The following CSMD2 variants were observed in gnomAD, a reference collection of about 807,000 sequenced individuals.
CSMD2 encodes the protein CUB and sushi domain-containing protein 2.
In CSMD2, 130 loss-of-function variants were observed where a neutral mutation model predicts 398.5. The observed-to-expected ratio is 0.33, with a 90% CI of 0.28 to 0.38. The LOEUF (loss-of-function observed/expected upper bound fraction) is 0.38, where lower values mean the gene tolerates loss of function less well. CSMD2 is among the 10% of genes least tolerant of loss of function. The pLI is 1.00. For missense variants in CSMD2, 3,829 were observed against 4,764.9 expected (o/e 0.80, Z 5.78); for synonymous variants, 1,828 against 1,908.5 (o/e 0.96, Z 1.10).
intron 5 of CSMD2, among the ~76,000 whole-genome samples, chr1:33,899,015 G>T (rs537383576): frequency 6.6e-6 from 1 of 152,314 alleles, no homozygotes; most frequent in South Asian, 2.1e-4. Flanking sequence ...GACCTCTGTG[G>T]CATCCATAAA....
At chr1:34,041,219 A>T (rs955054070) in intron 2 of CSMD2, among the ~76,000 whole-genome samples, 3 of 152,174 alleles carry the variant, frequency 2.0e-5, no homozygotes, top group African/African-American at 7.2e-5. Flanking sequence ...CATTCTAAGC[A>T]GAAGGACTTG....
At chr1:33,561,259 G>A (rs1252315936) in intron 53 of CSMD2, among the ~76,000 whole-genome samples, 1 of 152,136 alleles carries the variant, frequency 6.6e-6, no homozygotes. Context: ...AAGAGCAGGG[G>A]ACATGCTGTT....
At chr1:33,791,789 T>C (rs1322338150) in intron 11 of CSMD2, among the ~76,000 whole-genome samples, 1 of 152,066 alleles carries the variant, frequency 6.6e-6, no homozygotes, top group East Asian at 1.9e-4. Context: ...CGCTTGGCCT[T>C]TTTCCTGGTT....
At chr1:33,800,656 G>A (rs974410064) in intron 10 of CSMD2, among the ~76,000 whole-genome samples, 14 of 152,162 alleles carry the variant, frequency 9.2e-5, no homozygotes, top group African/African-American at 3.1e-4. Flanking sequence ...TCAAACCAGG[G>A]AAGCATGGAT....
chr1:33,925,971 G>A (rs1344695381), intron 4 of CSMD2, among the ~76,000 whole-genome samples: 1 of 152,084 alleles, frequency 6.6e-6, no homozygotes, highest in African/African-American at 2.4e-5. Flanking sequence ...CCCGATCCAA[G>A]TGCTGCTTCC....
At chr1:33,538,092 T>G (rs1655976480) in intron 60 of CSMD2, among the ~76,000 whole-genome samples, 1 of 152,258 alleles carries the variant, frequency 6.6e-6, no homozygotes, top group African/African-American at 2.4e-5. Context: ...AACAGGTGGT[T>G]GTACCATAAT....
intron 4 of CSMD2, among the ~76,000 whole-genome samples, chr1:33,932,851 C>T (rs1156519265): frequency 6.6e-6 from 1 of 152,144 alleles, no homozygotes; most frequent in Non-Finnish European, 1.5e-5. Context: ...GATGACAAAA[C>T]CAAGAGGAAA....
chr1:34,036,492 A>G (rs929784795), intron 2 of CSMD2, among the ~76,000 whole-genome samples: 32 of 152,242 alleles, frequency 2.1e-4, no homozygotes, highest in Non-Finnish European at 3.1e-4. Context: ...AAAACAGATT[A>G]GTGCTTGCTA....
At chr1:34,039,074 G>A (rs1028979887) in intron 2 of CSMD2, among the ~76,000 whole-genome samples, 7 of 152,128 alleles carry the variant, frequency 4.6e-5, no homozygotes, top group African/African-American at 1.4e-4. Flanking sequence ...CTAGAAAGGT[G>A]CATTCCTGAC....
At chr1:33,536,349 G>A (rs897659553) in intron 62 of CSMD2, among the ~76,000 whole-genome samples, 4 of 152,076 alleles carry the variant, frequency 2.6e-5, no homozygotes, top group African/African-American at 7.2e-5. Context: ...TCAGCCTCCC[G>A]AGTAGCTGGG....
chr1:33,820,588 A>AAAAAC (rs371046549), intron 7 of CSMD2, 32 bp from the exon 8 acceptor site: 97 of 918,300 alleles, frequency 1.1e-4, no homozygotes, highest in South Asian at 4.8e-4. Context: ...AAAAAAAAAA[A>AAAAAC]CAGCACACAC....
intron 1 of CSMD2, among the ~76,000 whole-genome samples, chr1:34,107,535 C>G (rs995017074): frequency 3.3e-5 from 5 of 152,140 alleles, no homozygotes; most frequent in African/African-American, 1.2e-4. Flanking sequence ...CAAGGTCAGA[C>G]AGCTGATAAA....
chr1:33,917,183 C>T (rs757873417), intron 5 of CSMD2, among the ~76,000 whole-genome samples: 6 of 152,206 alleles, frequency 3.9e-5, no homozygotes, highest in African/African-American at 9.6e-5. Flanking sequence ...TGGTAGCCAA[C>T]GCCGTGACTC....
intron 13 of CSMD2, among the ~76,000 whole-genome samples, chr1:33,768,829 A>T (rs1199079116): frequency 6.6e-6 from 1 of 152,160 alleles, no homozygotes; most frequent in Non-Finnish European, 1.5e-5. Context: ...TTGTAACTTA[A>T]ATCGTATACA....
intron 1 of CSMD2, among the ~76,000 whole-genome samples, chr1:34,152,852 A>G (rs779722511): frequency 1.3e-5 from 2 of 152,100 alleles, no homozygotes; most frequent in African/African-American, 2.4e-5. Context: ...TGCAAAACTG[A>G]AAGTCAGTGC....
intron 3 of CSMD2, among the ~76,000 whole-genome samples, chr1:33,972,063 G>A (rs1161803580): frequency 6.6e-6 from 1 of 152,182 alleles, no homozygotes; most frequent in African/African-American, 2.4e-5. Flanking sequence ...CACCCCTTAA[G>A]GATGTTCCAG....
intron 1 of CSMD2, among the ~76,000 whole-genome samples, chr1:34,147,089 C>A (rs1468757490): frequency 6.6e-6 from 1 of 152,012 alleles, no homozygotes; most frequent in African/African-American, 2.4e-5. Context: ...AACCCCATCT[C>A]TACTAAAAAT....
intron 53 of CSMD2, among the ~76,000 whole-genome samples, chr1:33,566,978 A>G (rs1168848630): frequency 6.6e-6 from 1 of 152,204 alleles, no homozygotes; most frequent in Non-Finnish European, 1.5e-5. Context: ...CTTTCTTCTC[A>G]AGTGCACATG....
chr1:33,661,203 C>A (rs1644119558), intron 26 of CSMD2, among the ~76,000 whole-genome samples: 2 of 152,164 alleles, frequency 1.3e-5, no homozygotes, highest in South Asian at 4.1e-4. Flanking sequence ...TTTTTCTTTT[C>A]TTTTAAGCCG....
Sources: allele counts gnomAD v4.1 joint callset (sites outside exome capture counted in the v4.1 genomes callset), GRCh38; gene constraint gnomAD v4.1.1; transcripts MANE v1.5; gene names NCBI Gene and HGNC (gene_info 2026-07-23, HGNC 2026-07-21).